The following UBR4 variants were observed in gnomAD, a reference collection of about 807,000 sequenced individuals.
UBR4 encodes the protein E3 ubiquitin-protein ligase UBR4.
In UBR4, 124 loss-of-function variants were observed where a neutral mutation model predicts 575.6. The ratio of observed to expected loss-of-function variants is 0.22; its 90% CI spans 0.19 to 0.25. The LOEUF (loss-of-function observed/expected upper bound fraction) is 0.25, where lower values mean the gene tolerates loss of function less well. UBR4 is among the 10% of genes least tolerant of loss of function. UBR4 has a pLI of 1.00. For synonymous variants in UBR4, 2,455 were observed against 2,473.7 expected, an observed-to-expected ratio of 0.99 and a Z score of 0.22; for missense variants, 4,818 against 6,478.8, an observed-to-expected ratio of 0.74 and a Z score of 8.80.
rs762471935 is a variant in UBR4, at chr1:19,122,933, C to T, written c.9716G>A (p.Gly3239Glu). The change falls in exon 66 of 106, where the codon GGG becomes GAG. Residue 3239 changes from glycine to glutamate, a missense_variant. Transcript: ENST00000375254. ...DLHTLDSHVR[G>E]IKKLLEEQGI... The stretch of plus-strand genomic sequence containing the variant: ...CTGCTCTTCTAGCAGCTTCTTGATC[C>T]CACGCACGTGAGAGTCCAGGGTGTG... 1.2e-6 allele frequency: 2 copies of T among 1,614,210 alleles called. No homozygotes were observed. Among genetic ancestry groups the T allele is most frequent in the Non-Finnish European group, 1.7e-6 (2 of 1,180,038 alleles).
At chr1:19,081,279 AC>A in intron 103 of UBR4, 69 bp downstream of exon 103, 1 of 1,355,986 alleles carries the variant, frequency 7.4e-7, no homozygotes, top group Non-Finnish European at 1.0e-6. Context: ...GCACGTGCGT[AC>A]CACTAAGCAG....
chr1:19,147,867 G>A (rs1034483464), intron 51 of UBR4, 126 bp downstream of exon 51: 1 of 1,380,886 alleles, frequency 7.2e-7, no homozygotes, highest in Non-Finnish European at 9.6e-7. Flanking sequence ...TCTGTAAAAT[G>A]TAGGTCTAAT....
chr1:19,080,863 G>A (rs78053998), intron 103 of UBR4: 4,612 of 155,222 alleles, frequency 0.03, 89 homozygotes, highest in South Asian at 0.052. Flanking sequence ...GTGTCCACAC[G>A]TATAGGAGAG....
intron 105 of UBR4, among the ~76,000 whole-genome samples, chr1:19,075,677 A>G (rs1418607080): frequency 6.6e-6 from 1 of 152,246 alleles, no homozygotes; most frequent in African/African-American, 2.4e-5. Context: ...GGGGCAGCCA[A>G]TGCGGAGGCA....
At chr1:19,154,893 T>C (rs755804585) in intron 44 of UBR4, 25 bp downstream of exon 44, 22 of 1,613,506 alleles carry the variant, frequency 1.4e-5, no homozygotes, top group South Asian at 3.3e-5. Flanking sequence ...ATTGCGGAAG[T>C]TGAACATTAA....
chr1:19,192,911 T>A (rs1231920622), intron 9 of UBR4, among the ~76,000 whole-genome samples: 1 of 151,778 alleles, frequency 6.6e-6, no homozygotes, highest in Non-Finnish European at 1.5e-5. Context: ...GCCTCCAGAG[T>A]AGCGGGGATT....
intron 2 of UBR4, among the ~76,000 whole-genome samples, chr1:19,200,961 T>G (rs768708939): frequency 2.6e-5 from 4 of 152,060 alleles, no homozygotes; most frequent in African/African-American, 9.7e-5. Context: ...CTGGGCAACA[T>G]AGAGAGACCC....
chr1:19,174,881 T>TC (rs975021445), intron 21 of UBR4, 73 bp downstream of exon 21: 4 of 1,395,996 alleles, frequency 2.9e-6, no homozygotes, highest in African/African-American at 1.4e-5. Context: ...TCATTCCCTT[T>TC]CCCCCCAGTA....
intron 8 of UBR4, among the ~76,000 whole-genome samples, chr1:19,194,956 T>C (rs2092358280): frequency 6.6e-6 from 1 of 150,880 alleles, no homozygotes; most frequent in Admixed American, 6.6e-5. Flanking sequence ...CTTAAATAAA[T>C]AAATAAATAA....
chr1:19,153,310 C>T lies in UBR4; in HGVS notation c.6823G>A (p.Ala2275Thr). 2 of 1,614,180 alleles carry T rather than the reference C, an allele frequency of 1.2e-6. No individual in the cohort carries two copies. Among genetic ancestry groups the T allele is most frequent in the Non-Finnish European group, 1.7e-6 (2 of 1,180,018 alleles). Reference protein sequence around the residue: ...IMKPVRKRKTATITTRTSSQV... With the variant: ...IMKPVRKRKTTTITTRTSSQV... ...TGAGAAGGAGCCTTACTGATTGTAG[C>T]TGTTTTGCGCTTTCGAACAGGCTTC... Residue 2275 changes from alanine (A) to threonine (T), a missense_variant, in exon 46 of 106, where the codon GCT (alanine) becomes ACT (threonine). Around this residue, in one of 29 missense-constraint regions of UBR4, gnomAD observed 461 missense variants for 606.9 expected, o/e 0.76. Coordinates refer to ENST00000375254, the MANE Select transcript of UBR4 (RefSeq NM_020765.3). This position sits in a 1 kb window ranked among gnomAD's most constrained non-coding sequence, Gnocchi z 4.1.
chr1:19,120,448 ATTTCTAAAAG>A, intron 68 of UBR4, 100 bp from the exon 69 acceptor site: 2 of 1,437,498 alleles, frequency 1.4e-6, no homozygotes, highest in Non-Finnish European at 1.9e-6. Context: ...AATTCTGTCC[ATTTCTAAAAG>A]TTTCTACTGA....
At chr1:19,076,506 A>G (rs747710066) in intron 105 of UBR4, among the ~76,000 whole-genome samples, 1 of 152,220 alleles carries the variant, frequency 6.6e-6, no homozygotes, top group Non-Finnish European at 1.5e-5. Flanking sequence ...GATCACATAC[A>G]GTGAACAGCC....
At chr1:19,097,316 C>T in intron 90 of UBR4, 36 bp from the exon 91 acceptor site, 1 of 1,592,414 alleles carries the variant, frequency 6.3e-7, no homozygotes, top group Non-Finnish European at 8.6e-7. Context: ...TACTTAAAAA[C>T]AGGCCCAGAC....
At chr1:19,134,453 C>A (rs1557724653) in intron 60 of UBR4, among the ~76,000 whole-genome samples, 1 of 151,988 alleles carries the variant, frequency 6.6e-6, no homozygotes, top group African/African-American at 2.4e-5. Context: ...AATAAGTAAA[C>A]TAAGAAAGAT....
Position 19,117,537 on chromosome 1 carries a change from T to C in UBR4, c.10630-123A>G, listed in dbSNP as rs2080683183. On this transcript the variant is annotated intron_variant, in intron 72 of 105. Coordinates refer to ENST00000375254, the MANE Select transcript of UBR4 (RefSeq NM_020765.3). This position sits in a 1 kb window ranked among gnomAD's most constrained non-coding sequence, Gnocchi z 4.0. ...AGTTTCTATTTAATTTTTTAAAAAA[T>C]ATTTTGTAGAGATGGGGTCTCACCA... is the stretch of plus-strand genomic sequence containing the variant. The C allele has an allele frequency of 8.4e-7, 1 of 1,186,868 alleles. No homozygotes were observed. The highest frequency in any genetic ancestry group is 1.2e-6 in the Non-Finnish European group (1 of 861,276). 73.5% of individuals were successfully genotyped at this position (1,186,868 alleles called of 1,614,324 possible).
chr1:19,122,767 A>C, intron 66 of UBR4, 66 bp downstream of exon 66: 1 of 1,559,208 alleles, frequency 6.4e-7, no homozygotes, highest in Non-Finnish European at 8.8e-7. Flanking sequence ...CTCCAGCCCT[A>C]TTACCTACTT....
intron 78 of UBR4, chr1:19,111,530 C>T (rs1309911910): frequency 6.6e-6 from 1 of 152,420 alleles, no homozygotes. Flanking sequence ...ATTGCCATGA[C>T]CTCATGATCA....
intron 15 of UBR4, 72 bp downstream of exon 15, chr1:19,185,027 T>C: frequency 6.3e-7 from 1 of 1,580,634 alleles, no homozygotes; most frequent in South Asian, 1.1e-5. Context: ...ATGTTTGCAT[T>C]CAAATTATCT....
intron 20 of UBR4, among the ~76,000 whole-genome samples, chr1:19,175,385 T>C (rs991163260): frequency 6.6e-6 from 1 of 150,802 alleles, no homozygotes; most frequent in African/African-American, 2.4e-5. Flanking sequence ...CAACAAATTA[T>C]ATCATTAGTC....
Sources: allele counts gnomAD v4.1 joint callset (sites outside exome capture counted in the v4.1 genomes callset), GRCh38; gene constraint gnomAD v4.1.1; regional missense constraint gnomAD v4.1.1; non-coding constraint Gnocchi (gnomAD v3.1); transcripts MANE v1.5; gene names NCBI Gene and HGNC (gene_info 2026-07-23, HGNC 2026-07-21).